Variants in GSPT1 observed in about 807,000 individuals in gnomAD.
The protein encoded by GSPT1 is eukaryotic peptide chain release factor GTP-binding subunit ERF3A.
In GSPT1, 20 loss-of-function variants were observed where a neutral mutation model predicts 72.5. The observed-to-expected ratio is 0.28, with a 90% CI of 0.19 to 0.40. The LOEUF is 0.40. Among genes scored for constraint, GSPT1 ranks in the 10% least tolerant of loss-of-function variants. The pLI is 1.00. For synonymous variants in GSPT1, 334 were observed against 293.5 expected, an observed-to-expected ratio of 1.14 and a Z score of -1.41; for missense variants, 580 against 811.9, an observed-to-expected ratio of 0.71 and a Z score of 3.47.
chr16:11,916,514 C>T (rs2054639397), upstream of GSPT1, among the ~76,000 whole-genome samples: 1 of 152,224 alleles, frequency 6.6e-6, no homozygotes, highest in African/African-American at 2.4e-5. Context: ...TCTCTCTCCA[C>T]CTTCTTTCTC....
At chr16:11,913,401 C>A (rs57309246) in intron 1 of GSPT1, among the ~76,000 whole-genome samples, 2 of 152,198 alleles carry the variant, frequency 1.3e-5, no homozygotes, top group African/African-American at 2.4e-5. Context: ...TGTACGGATT[C>A]TCTTACTGAC....
intron 5 of GSPT1, among the ~76,000 whole-genome samples, chr16:11,892,011 A>G (rs933320502): frequency 2.6e-5 from 4 of 152,074 alleles, no homozygotes; most frequent in African/African-American, 4.8e-5. Context: ...AAAATTATGG[A>G]AAGTGTAAGT....
At chr16:11,896,464 T>G (rs2042963770) in intron 4 of GSPT1, 94 bp downstream of exon 4, 1 of 744,042 alleles carries the variant, frequency 1.3e-6, no homozygotes, top group African/African-American at 1.8e-5. Flanking sequence ...TTCAATTAAT[T>G]TCCTTCAGTT....
chr16:11,874,711 T>C (rs746327989), intron 14 of GSPT1, among the ~76,000 whole-genome samples: 2 of 152,106 alleles, frequency 1.3e-5, no homozygotes, highest in Non-Finnish European at 2.9e-5. Context: ...TTTCATCCAA[T>C]GTAAAGTTCA....
chr16:11,908,881 TG>T (rs1339969520), intron 1 of GSPT1: 1 of 148,386 alleles, frequency 6.7e-6, no homozygotes, highest in African/African-American at 2.5e-5. Context: ...ACCCGGGAGG[TG>T]GAGGTTGCAG....
At chr16:11,915,996 C>G (rs1454651970), upstream of GSPT1, 1 of 689,040 alleles carries the variant, frequency 1.5e-6, no homozygotes. Flanking sequence ...GGCCTCACAG[C>G]CAACCCCACC....
chr16:11,870,189 ACACT>A lies in GSPT1; in HGVS notation c.*2926_*2929del, dbSNP rs1230622107. The A allele has an allele frequency of 6.6e-6, 1 of 152,166 alleles. No individual in the cohort carries two copies. The highest frequency in any genetic ancestry group is 1.5e-5 in the Non-Finnish European group (1 of 68,022). 9.4% of individuals were successfully genotyped at this position (152,166 alleles called of 1,614,324 possible). ...TTGTCACTTAATCTCAAGACAATAC[ACACT>A]CAGTCCAACTCTTTTGGTTTGATTT... is the stretch of plus-strand genomic sequence containing the variant. On this transcript the variant is annotated 3_prime_UTR_variant, in exon 15 of 15. Transcript: ENST00000434724.
At position 11,873,157 on chromosome 16, in the gene GSPT1, T is replaced by C; in HGVS notation, c.1876A>G (p.Ile626Val). 1.3e-6 allele frequency: 2 copies of C among 1,579,582 alleles called. No individual in the cohort carries two copies. The highest frequency in any genetic ancestry group is 1.7e-6 in the Non-Finnish European group (2 of 1,148,852). The part of the protein sequence containing the change: ...TLRDEGKTIA[I>V]GKVLKLVPEK... ...GGAACCAGTTTCAGAACTTTTCCAATTGCAATGGTCTTACCTAGAAATGAA... is the reference window on the plus strand; with the variant it reads ...GGAACCAGTTTCAGAACTTTTCCAACTGCAATGGTCTTACCTAGAAATGAA... The change falls in exon 15 of 15, where the codon ATT becomes GTT. Residue 626 changes from isoleucine (I) to valine (V), a missense_variant. Around this residue, in one of 6 missense-constraint regions of GSPT1, gnomAD observed 120 missense variants for 242.5 expected, o/e 0.49. Coordinates refer to ENST00000434724, the MANE Select transcript of GSPT1 (RefSeq NM_002094.4).
chr16:11,874,179 A>G (rs2054010521), intron 14 of GSPT1, among the ~76,000 whole-genome samples: 1 of 152,172 alleles, frequency 6.6e-6, no homozygotes, highest in South Asian at 2.1e-4. Flanking sequence ...AAATGTTCTA[A>G]TATTAGTATA....
intron 1 of GSPT1, among the ~76,000 whole-genome samples, chr16:11,909,117 T>C (rs1354678183): frequency 6.6e-6 from 1 of 151,672 alleles, no homozygotes; most frequent in African/African-American, 2.4e-5. Context: ...TGAAGCGACA[T>C]ACAATTACCT....
rs753499082 is a variant in GSPT1 at position 11,891,155 on chromosome 16, G to GAA, written c.699-18_699-17dup. The GAA allele has an allele frequency of 6.4e-5, 74 of 1,153,036 alleles. No homozygotes were observed. Among genetic ancestry groups the GAA allele is most frequent in the Admixed American group, 1.3e-4 (4 of 31,218 alleles). The allele number at this position is 1,153,036 out of a possible 1,614,324, so 71.4% of individuals were successfully genotyped here. A position where few individuals can be genotyped will look rare whatever the true frequency, so the allele number is the denominator to read the frequency against. Reference sequence around the variant, plus strand: ...AGTCAAATACCTGAAAACATTTAAAGAAAAAAAAAAGTAAACAATTACTCA... The same window carrying GAA: ...AGTCAAATACCTGAAAACATTTAAAGAAAAAAAAAAAAGTAAACAATTACTCA... On this transcript the variant is annotated splice_polypyrimidine_tract_variant and intron_variant, in intron 5 of 14. Coordinates refer to ENST00000434724, the MANE Select transcript of GSPT1 (RefSeq NM_002094.4).
chr16:11,879,520 G>C (rs1453666761), intron 11 of GSPT1, among the ~76,000 whole-genome samples: 1 of 152,012 alleles, frequency 6.6e-6, no homozygotes, highest in Non-Finnish European at 1.5e-5. Context: ...GGATCACGAG[G>C]TCAGAAGTTC....
rs761517393 is a variant in GSPT1 at position 11,869,289 on chromosome 16, C to CACTT, written c.*3826_*3829dup. 1.3e-5 allele frequency: 2 copies of CACTT among 152,220 alleles called. No individual in the cohort carries two copies. Among genetic ancestry groups the CACTT allele is most frequent in the African/African-American group, 4.8e-5 (2 of 41,454 alleles). The allele number at this position is 152,220 out of a possible 1,614,324, so 9.4% of individuals were successfully genotyped here. A position where few individuals can be genotyped will look rare whatever the true frequency, so the allele number is the denominator to read the frequency against. On this transcript the variant is annotated 3_prime_UTR_variant, in exon 15 of 15. Coordinates refer to ENST00000434724, the MANE Select transcript of GSPT1 (RefSeq NM_002094.4). ...TAAGTCTTTTGTGCATGTGCAATTA[C>CACTT]ACTTACTTAACAAGATGCTGCCATG...
At chr16:11,883,613 C>G (rs994436656) in intron 10 of GSPT1, among the ~76,000 whole-genome samples, 24 of 130,024 alleles carry the variant, frequency 1.8e-4, no homozygotes, top group Admixed American at 7.6e-4. Flanking sequence ...GAGCAAGACT[C>G]TGTCTCAAAA....
At chr16:11,916,096 G>T (rs890192328), upstream of GSPT1, 2 of 481,708 alleles carry the variant, frequency 4.2e-6, no homozygotes, top group East Asian at 6.8e-5. Flanking sequence ...TATTTAGCGC[G>T]GCGGGAGGTG....
At chr16:11,897,368 C>T (rs1163412372) in intron 3 of GSPT1, among the ~76,000 whole-genome samples, 1 of 152,150 alleles carries the variant, frequency 6.6e-6, no homozygotes, top group African/African-American at 2.4e-5. Context: ...GGGTGGATCA[C>T]GAGGTCAGGA....
In GSPT1 at chr16:11,873,000, C is replaced by T. The variant is rs1408155194; in HGVS notation, c.*119G>A. 1 of 629,006 alleles carries T rather than the reference C, an allele frequency of 1.6e-6. No homozygotes were observed. The highest frequency in any genetic ancestry group is 2.9e-6 in the Non-Finnish European group (1 of 342,630). The allele number at this position is 629,006 out of a possible 1,614,324, so 39.0% of individuals were successfully genotyped here. A position where few individuals can be genotyped will look rare whatever the true frequency, so the allele number is the denominator to read the frequency against. On this transcript the variant is annotated 3_prime_UTR_variant, in exon 15 of 15. Coordinates refer to ENST00000434724, the MANE Select transcript of GSPT1 (RefSeq NM_002094.4). ...AATGTGGACTTTTGCTGTGAATTTC[C>T]TCTTTGCAAAATATGGGGAGAGGTT...
chr16:11,904,905 G>T (rs1380699616), intron 1 of GSPT1, among the ~76,000 whole-genome samples: 1 of 152,100 alleles, frequency 6.6e-6, no homozygotes, highest in Admixed American at 6.6e-5. Flanking sequence ...GGAAACACAA[G>T]GAGACTTCGT....
At chr16:11,900,206 A>G (rs2054388142) in intron 1 of GSPT1, among the ~76,000 whole-genome samples, 1 of 151,656 alleles carries the variant, frequency 6.6e-6, no homozygotes, top group South Asian at 2.1e-4. Context: ...TGTGGCATAC[A>G]CCTGTAATCC....
Sources: allele counts gnomAD v4.1 joint callset (sites outside exome capture counted in the v4.1 genomes callset), GRCh38; gene constraint gnomAD v4.1.1; regional missense constraint gnomAD v4.1.1; transcripts MANE v1.5; gene names NCBI Gene and HGNC (gene_info 2026-07-23, HGNC 2026-07-21).